Variants in TEX15 observed in about 807,000 individuals in gnomAD.
TEX15 encodes testis expressed 15, meiosis and synapsis associated, also known as testis-expressed protein 15.
A neutral mutation model predicts 237.3 loss-of-function variants in TEX15; 171 were observed. The observed-to-expected ratio is 0.72, with a 90% CI of 0.64 to 0.82. The LOEUF (loss-of-function observed/expected upper bound fraction) is 0.82. Among genes scored for constraint, TEX15 ranks in the 40% least tolerant of loss-of-function variants. The probability of loss-of-function intolerance (pLI) is 0.00; values close to 1 mark genes in which losing one functional copy is unlikely to be tolerated. For missense variants in TEX15, 3,750 were observed against 3,646.5 expected (o/e 1.03, Z -0.73); for synonymous variants, 1,338 against 1,269.8 (o/e 1.05, Z -1.14).
chr8:30,860,133 A>G (rs1340499052), intron 5 of TEX15, 76 bp from the exon 6 acceptor site: 10 of 1,250,824 alleles, frequency 8.0e-6, no homozygotes, highest in East Asian at 2.6e-5. Flanking sequence ...TTTCAAACAT[A>G]AAAGGCTAAC....
rs775859251 is a variant in TEX15, at chr8:30,848,617, T to C, written c.1550A>G (p.Asp517Gly). Residue 517 changes from aspartate to glycine, a missense_variant, in exon 8 of 11, where the codon GAC (aspartate) becomes GGC (glycine). By Grantham distance (94) the Asp-to-Gly change is moderately conservative (BLOSUM62 -1). Transcript: ENST00000643185. ...QSWAHNMGSEDYDCIPPNKVT... is the reference protein window; with the variant it reads ...QSWAHNMGSEGYDCIPPNKVT... ...TTTATTGGGAGGTATACAGTCATAG[T>C]CCTCAGAGCCCATGTTGTGAGCCCA... is the stretch of plus-strand genomic sequence containing the variant. 4 of 1,613,980 alleles carry C rather than the reference T, an allele frequency of 2.5e-6. No homozygotes were observed. The highest frequency in any genetic ancestry group is 2.7e-5 in the African/African-American group (2 of 74,912).
intron 3 of TEX15, among the ~76,000 whole-genome samples, chr8:30,886,456 C>T (rs1808647497): frequency 6.6e-6 from 1 of 152,182 alleles, no homozygotes; most frequent in South Asian, 2.1e-4. Context: ...GACTCTAACC[C>T]TAGTGGAAAG....
At chr8:30,896,356 A>T (rs78442678) in intron 2 of TEX15, among the ~76,000 whole-genome samples, 10,656 of 152,148 alleles carry the variant, frequency 0.07, 465 homozygotes, top group African/African-American at 0.092. Context: ...ATTTTCACTC[A>T]TCTTGTTTAC....
intron 9 of TEX15, among the ~76,000 whole-genome samples, chr8:30,838,944 T>C (rs113155409): frequency 0.013 from 1,968 of 150,540 alleles, 46 homozygotes; most frequent in African/African-American, 0.045. Context: ...GCCTCCCAAG[T>C]AGCTGGGACT....
intron 2 of TEX15, among the ~76,000 whole-genome samples, chr8:30,888,290 G>T (rs1470934135): frequency 6.6e-6 from 1 of 151,950 alleles, no homozygotes; most frequent in Non-Finnish European, 1.5e-5. Context: ...TTTAAATCAA[G>T]ATCTCTGGCT....
At chr8:30,869,306 T>C (rs913428412) in intron 4 of TEX15, among the ~76,000 whole-genome samples, 1 of 152,134 alleles carries the variant, frequency 6.6e-6, no homozygotes, top group South Asian at 2.1e-4. Context: ...CACAGTAACA[T>C]GTAATTGAAA....
chr8:30,856,824 G>GA (rs1351632754), intron 7 of TEX15, among the ~76,000 whole-genome samples: 5 of 151,850 alleles, frequency 3.3e-5, no homozygotes, highest in Non-Finnish European at 7.4e-5. Flanking sequence ...TAATAGATTA[G>GA]AAAACTCAAT....
chr8:30,889,164 A>G (rs527952286), intron 2 of TEX15, among the ~76,000 whole-genome samples: 1 of 152,350 alleles, frequency 6.6e-6, no homozygotes, highest in South Asian at 2.1e-4. Context: ...CTCAAAGCAC[A>G]ATCCTCAATA....
rs1807249639 is a variant in TEX15, at chr8:30,834,525, C to A, written c.9482-1202G>T. Among the ~76,000 whole-genome samples, 3 of 152,146 alleles carry A rather than the reference C, an allele frequency of 2.0e-5. No homozygotes were observed. In the South Asian group the frequency reaches 6.2e-4, roughly 32 times the overall value. ...ATGTTCTTAGGTGAAAAATTTCTAG[C>A]CCTGTGTAAAGTCATTTACTGAGGC... is the stretch of plus-strand genomic sequence containing the variant. On this transcript the variant is annotated intron_variant, in intron 10 of 10. Transcript: ENST00000643185.
In TEX15 at chr8:30,845,776, T is replaced by C. The variant is rs770194961; in HGVS notation, c.4391A>G (p.Asp1464Gly). 1.9e-6 allele frequency: 3 copies of C among 1,612,748 alleles called. No homozygotes were observed. Among genetic ancestry groups the C allele is most frequent in the Non-Finnish European group, 2.5e-6 (3 of 1,179,480 alleles). The change falls in exon 8 of 11, where the codon GAT (aspartate) becomes GGT (glycine). Residue 1464 changes from aspartate to glycine, a missense_variant. By Grantham distance (94) the Asp-to-Gly change is moderately conservative. Coordinates refer to ENST00000643185, the MANE Select transcript of TEX15 (RefSeq NM_001350162.2). ...CACATGGGTTAATGATTTAGAAATA[T>C]CAGCTTTTGGAGCTCTTTTCTTTCT... ...KRRKKRAPKA[D>G]ISKSLTHVSK...
At position 30,840,023 on chromosome 8, in the gene TEX15, AATT is replaced by A. The variant is rs912880034; in HGVS notation, c.8164-62_8164-60del. 173 of 1,027,416 alleles carry A rather than the reference AATT, an allele frequency of 1.7e-4. 1 individual carries two copies. Among genetic ancestry groups the A allele is most frequent in the African/African-American group, 1.5e-3 (93 of 60,198 alleles). The allele number at this position is 1,027,416 out of a possible 1,614,324, so 63.6% of individuals were successfully genotyped here. ...AGTGATGACAAACTATAATAAAAATAATTATTATTTCAATATTAGATATTTTTA... is the reference window on the plus strand; with the variant it reads ...AGTGATGACAAACTATAATAAAAATAATTATTTCAATATTAGATATTTTTA... On this transcript the variant is annotated intron_variant, in intron 8 of 10. Transcript: ENST00000643185.
intron 2 of TEX15, chr8:30,887,803 T>G (rs1437815104): frequency 2.0e-5 from 3 of 150,848 alleles, no homozygotes; most frequent in African/African-American, 7.3e-5. Flanking sequence ...TCTATCTCAA[T>G]ATATATATTT....
In TEX15 at chr8:30,843,203, A is replaced by C. The variant is rs1224517834; in HGVS notation, c.6964T>G (p.Leu2322Val). Reference sequence around the variant, plus strand: ...ATAGGGGAAATTGGTTCATTGTTTAAATCTTTAGACAAAGTATCATATATC... The same window carrying C: ...ATAGGGGAAATTGGTTCATTGTTTACATCTTTAGACAAAGTATCATATATC... ...QKIYDTLSKD[L>V]NNEPISPIGL... Residue 2322 changes from leucine to valine, a missense_variant, in exon 8 of 11, where the codon TTA becomes GTA. By Grantham distance (32) the Leu-to-Val change is conservative. Coordinates refer to ENST00000643185, the MANE Select transcript of TEX15 (RefSeq NM_001350162.2). 1.9e-6 allele frequency: 3 copies of C among 1,613,360 alleles called. No individual in the cohort carries two copies. The highest frequency in any genetic ancestry group is 2.5e-6 in the Non-Finnish European group (3 of 1,179,638).
At chr8:30,894,709 G>A (rs1350469982) in intron 2 of TEX15, among the ~76,000 whole-genome samples, 2 of 152,116 alleles carry the variant, frequency 1.3e-5, no homozygotes, top group African/African-American at 4.8e-5. Flanking sequence ...AAAATTAACT[G>A]CAAATGGGTC....
intron 1 of TEX15, among the ~76,000 whole-genome samples, chr8:30,911,327 T>G (rs916202632): frequency 3.9e-4 from 60 of 152,230 alleles, no homozygotes; most frequent in Middle Eastern, 6.8e-3. Context: ...ATTATTATTA[T>G]TTTTTGTAGA....
rs1331098099 is a variant in TEX15, at chr8:30,901,129, G to A, written c.-85-2312C>T. 5.3e-5 allele frequency among the ~76,000 whole-genome samples: 8 copies of A among 152,278 alleles called. No individual in the cohort carries two copies. The East Asian group carries it at 1.4e-3, about 26-fold the overall frequency. ...CTCCAGCCTGGTTGACAGAATAAGA[G>A]CCTGTCTCAAAACAAACAAACAAAA... On this transcript the variant is annotated intron_variant, in intron 1 of 10. Coordinates refer to ENST00000643185, the MANE Select transcript of TEX15 (RefSeq NM_001350162.2).
intron 4 of TEX15, among the ~76,000 whole-genome samples, chr8:30,873,273 C>A (rs1651152297): frequency 6.6e-6 from 1 of 152,090 alleles, no homozygotes; most frequent in East Asian, 1.9e-4. Flanking sequence ...CCATATTCAC[C>A]CTAACTTTGG....
rs753797983 is a variant in TEX15 at position 30,844,069 on chromosome 8, G to C, written c.6098C>G (p.Ala2033Gly). Reference sequence around the variant, plus strand: ...TGAACATTCTTGCTTTCTTTCAAAAGCTTCCACAAATAAAGGGAGAATATT... The same window carrying C: ...TGAACATTCTTGCTTTCTTTCAAAACCTTCCACAAATAAAGGGAGAATATT... ...CLNILPLFVE[A>G]FERKQECSVE... Residue 2033 changes from alanine (A) to glycine (G), a missense_variant, in exon 8 of 11, where the codon GCT becomes GGT. Physicochemically the swap from Ala to Gly is moderately conservative, Grantham distance 60. Transcript: ENST00000643185. 1 of 1,611,764 alleles carries C rather than the reference G, an allele frequency of 6.2e-7. No individual in the cohort carries two copies. Among genetic ancestry groups the C allele is most frequent in the Non-Finnish European group, 8.5e-7 (1 of 1,179,210 alleles).
At chr8:30,878,296 A>G (rs1418107759) in intron 3 of TEX15, among the ~76,000 whole-genome samples, 1 of 152,122 alleles carries the variant, frequency 6.6e-6, no homozygotes, top group African/African-American at 2.4e-5. Context: ...ATTCATGTAT[A>G]GGTTTTTGTG....
Sources: allele counts gnomAD v4.1 joint callset (sites outside exome capture counted in the v4.1 genomes callset), GRCh38; gene constraint gnomAD v4.1.1; transcripts MANE v1.5; gene names NCBI Gene and HGNC (gene_info 2026-07-23, HGNC 2026-07-21).